The following GKN2 variants were observed in gnomAD, a reference collection of about 807,000 sequenced individuals.
The protein encoded by GKN2 is gastrokine 2.
Under a neutral mutation model 22.7 loss-of-function variants are expected in GKN2, and 17 were observed. The ratio of observed to expected loss-of-function variants is 0.75; its 90% CI spans 0.51 to 1.13. The LOEUF is 1.13. Among genes scored for constraint, GKN2 ranks in the 50% most tolerant of loss-of-function variants. GKN2 has a pLI of 0.00. For missense variants in GKN2, 248 were observed against 221.4 expected (o/e 1.12, Z -0.76); for synonymous variants, 82 against 79.6 (o/e 1.03, Z -0.16).
In GKN2 at chr2:68,949,995, A is replaced by G. The variant is rs1669830650; in HGVS notation, c.204+131T>C. 4.4e-6 allele frequency: 3 copies of G among 682,926 alleles called. No homozygotes were observed. The South Asian group carries it at 1.2e-4, about 27-fold the overall frequency. 42.3% of individuals were successfully genotyped at this position (682,926 alleles called of 1,614,324 possible). ...CTTGATTATTTAAAGAGAAAAGTGAAAGTGAGGAATTCTTAAAGAATTGCA... is the reference window on the plus strand; with the variant it reads ...CTTGATTATTTAAAGAGAAAAGTGAGAGTGAGGAATTCTTAAAGAATTGCA... On this transcript the variant is annotated intron_variant, in intron 3 of 5. Coordinates refer to ENST00000328895, the MANE Select transcript of GKN2 (RefSeq NM_182536.3).
chr2:68,951,406 A>G (rs920960840), intron 1 of GKN2, among the ~76,000 whole-genome samples: 13 of 152,170 alleles, frequency 8.5e-5, no homozygotes, highest in East Asian at 1.9e-4. Context: ...AGCAGTTCTG[A>G]TATTTTGCTG....
chr2:68,950,064 T>G (rs777367632), intron 3 of GKN2, 62 bp downstream of exon 3: 2 of 1,424,460 alleles, frequency 1.4e-6, no homozygotes, highest in Non-Finnish European at 1.9e-6. Context: ...CATATATATA[T>G]AGATCCCTCT....
At chr2:68,946,250 C>A (rs371192614) in intron 5 of GKN2, 54 bp downstream of exon 5, 5 of 1,499,502 alleles carry the variant, frequency 3.3e-6, no homozygotes, top group East Asian at 2.3e-5. Context: ...GAGCACCTGG[C>A]ACATAGTAGC....
Position 68,947,265 on chromosome 2 carries a change from A to G in GKN2, c.205-8T>C. The G allele has an allele frequency of 6.4e-7, 1 of 1,574,734 alleles. No individual in the cohort carries two copies. Among genetic ancestry groups the G allele is most frequent in the East Asian group, 2.2e-5 (1 of 44,688 alleles). On this transcript the variant is annotated splice_polypyrimidine_tract_variant and splice_region_variant and intron_variant, in intron 3 of 5. Transcript: ENST00000328895. Reference sequence around the variant, plus strand: ...CCTGGATGCAATGTAGCCCTGAGGCAGCAAGAGTACAGTTACTGTTCCTCC... The same window carrying G: ...CCTGGATGCAATGTAGCCCTGAGGCGGCAAGAGTACAGTTACTGTTCCTCC...
intron 5 of GKN2, 167 bp downstream of exon 5, chr2:68,946,137 C>A: frequency 1.9e-6 from 1 of 527,832 alleles, no homozygotes; most frequent in East Asian, 3.1e-5. Context: ...TTCTGTATTC[C>A]TAAAATTTAG....
At chr2:68,947,853 G>T (rs1400649661) in intron 3 of GKN2, among the ~76,000 whole-genome samples, 1 of 152,142 alleles carries the variant, frequency 6.6e-6, no homozygotes, top group South Asian at 2.1e-4. Flanking sequence ...AGCTCCCAAA[G>T]TGCTGAGATT....
chr2:68,952,559 A>T (rs1669874520), intron 1 of GKN2, among the ~76,000 whole-genome samples: 1 of 152,216 alleles, frequency 6.6e-6, no homozygotes, highest in Admixed American at 6.5e-5. Context: ...ATTCCCTATG[A>T]AGCTCATAAT....
At chr2:68,946,517 C>T in intron 4 of GKN2, 57 bp from the exon 5 acceptor site, 3 of 1,400,564 alleles carry the variant, frequency 2.1e-6, no homozygotes, top group Non-Finnish European at 2.9e-6. Context: ...AATTGGTGTA[C>T]CTTATTCTAA....
At chr2:68,950,839 C>T (rs74413164) in intron 1 of GKN2, 84 bp from the exon 2 acceptor site, 71,202 of 1,357,534 alleles carry the variant, frequency 0.052, 2,208 homozygotes, top group Middle Eastern at 0.069. Context: ...AGGAAAGGCA[C>T]AGATATCTCA....
Position 68,945,263 on chromosome 2 carries a change from G to T in GKN2, c.*105C>A. On this transcript the variant is annotated 3_prime_UTR_variant, in exon 6 of 6. Transcript: ENST00000328895. ...AATACAGCATTTATATTTTCTGACT[G>T]AATCTCAAAATTAGTTGGGGCATTG... 1 of 803,048 alleles carries T rather than the reference G, an allele frequency of 1.2e-6. No homozygotes were observed. Among genetic ancestry groups the T allele is most frequent in the Non-Finnish European group, 2.0e-6 (1 of 504,502 alleles). 49.7% of individuals were successfully genotyped at this position (803,048 alleles called of 1,614,324 possible).
At chr2:68,949,778 C>T (rs1315897538) in intron 3 of GKN2, among the ~76,000 whole-genome samples, 3 of 152,134 alleles carry the variant, frequency 2.0e-5, no homozygotes, top group Non-Finnish European at 4.4e-5. Context: ...CATTTGTTCA[C>T]TCAACAAATG....
At chr2:68,950,898 C>T (rs1414967050) in intron 1 of GKN2, 143 bp from the exon 2 acceptor site, 2 of 744,442 alleles carry the variant, frequency 2.7e-6, no homozygotes, top group Admixed American at 4.2e-5. Context: ...GTCAGCACTC[C>T]CTTTCCACGC....
At chr2:68,945,722 C>A in intron 5 of GKN2, 1 of 294,876 alleles carries the variant, frequency 3.4e-6, no homozygotes, top group Non-Finnish European at 6.3e-6. Context: ...GAGAAATTTC[C>A]TTTGTTGTGT....
chr2:68,947,661 G>A (rs1401389455), intron 3 of GKN2, among the ~76,000 whole-genome samples: 4 of 152,084 alleles, frequency 2.6e-5, no homozygotes, highest in Non-Finnish European at 4.4e-5. Flanking sequence ...TGCAACCTCA[G>A]CTCACTGAAG....
chr2:68,952,763 A>T, intron 1 of GKN2, 87 bp downstream of exon 1: 1 of 1,384,200 alleles, frequency 7.2e-7, no homozygotes, highest in South Asian at 1.2e-5. Context: ...TCTGTCTAAG[A>T]CTCCCAAAAT....
chr2:68,951,126 G>A (rs1325811645), intron 1 of GKN2, among the ~76,000 whole-genome samples: 2 of 152,092 alleles, frequency 1.3e-5, no homozygotes, highest in Admixed American at 1.3e-4. Flanking sequence ...TTGGATAACA[G>A]TGGTCAAATT....
At chr2:68,952,806 A>G (rs1669877437) in intron 1 of GKN2, 44 bp downstream of exon 1, 1 of 1,607,102 alleles carries the variant, frequency 6.2e-7, no homozygotes, top group Middle Eastern at 1.7e-4. Context: ...ATTGTCTGCA[A>G]GCAGTCACCA....
At chr2:68,946,020 A>G (rs369256653) in intron 5 of GKN2, 3 of 412,990 alleles carry the variant, frequency 7.3e-6, no homozygotes, top group African/African-American at 4.1e-5. Flanking sequence ...AGTATACAAG[A>G]ATCGAGTAGT....
chr2:68,946,893 TATA>T (rs1221791271), intron 4 of GKN2, among the ~76,000 whole-genome samples: 1 of 152,236 alleles, frequency 6.6e-6, no homozygotes, highest in Non-Finnish European at 1.5e-5. Flanking sequence ...CAGTCCTTGC[TATA>T]ATGTCACTGG....
Sources: allele counts gnomAD v4.1 joint callset (sites outside exome capture counted in the v4.1 genomes callset), GRCh38; gene constraint gnomAD v4.1.1; transcripts MANE v1.5; gene names NCBI Gene and HGNC (gene_info 2026-07-23, HGNC 2026-07-21).